Variants in RAD51B observed in about 807,000 individuals in gnomAD.
RAD51B encodes DNA repair protein RAD51 homolog 2.
Under a neutral mutation model 42.2 loss-of-function variants are expected in RAD51B, and 38 were observed. That is an observed-to-expected ratio of 0.90 (90% CI 0.70 to 1.18). RAD51B has a LOEUF of 1.18. RAD51B is among the 50% of genes most tolerant of loss of function. The pLI, the probability that RAD51B is intolerant of heterozygous loss-of-function variation, is 0.00. For missense variants in RAD51B, 373 were observed against 400.7 expected, an observed-to-expected ratio of 0.93 and a Z score of 0.59; for synonymous variants, 154 against 145.2, an observed-to-expected ratio of 1.06 and a Z score of -0.43.
chr14:68,320,781 TGCTGTGGC>T (rs781461844), intron 8 of RAD51B, among the ~76,000 whole-genome samples: 91 of 152,356 alleles, frequency 6.0e-4, no homozygotes, highest in Non-Finnish European at 1.0e-3. Context: ...TCCCATCATC[TGCTGTGGC>T]CACAGTTGTT....
intron 7 of RAD51B, among the ~76,000 whole-genome samples, chr14:68,068,258 A>G (rs1427238613): frequency 1.3e-5 from 2 of 152,062 alleles, no homozygotes; most frequent in African/African-American, 4.8e-5. Flanking sequence ...ACTCTGTACC[A>G]TTAATAGTCA....
rs554492364 is a variant in RAD51B, at chr14:68,154,202, T to C, written c.757-137682T>C. On this transcript the variant is annotated intron_variant, in intron 7 of 10. Coordinates refer to ENST00000471583, the MANE Select transcript of RAD51B (RefSeq NM_133510.4). Reference sequence around the variant, plus strand: ...GCAAGATATTTGTATTCCTATAAATTTTAAACTTTGTTTTGGGATGCAGTT... The same window carrying C: ...GCAAGATATTTGTATTCCTATAAATCTTAAACTTTGTTTTGGGATGCAGTT... Among the ~76,000 whole-genome samples, 221 of 152,332 alleles carry C rather than the reference T, an allele frequency of 1.5e-3. 2 individuals are homozygous for C. The highest frequency in any genetic ancestry group is 5.1e-3 in the African/African-American group (214 of 41,574).
chr14:68,410,619 G>A (rs2084391335), intron 8 of RAD51B, among the ~76,000 whole-genome samples: 1 of 152,154 alleles, frequency 6.6e-6, no homozygotes, highest in Non-Finnish European at 1.5e-5. Flanking sequence ...GTTCAGAGGA[G>A]GCCTTGGGAT....
At position 68,019,877 on chromosome 14, in the gene RAD51B, A is replaced by G. The variant is rs549934116; in HGVS notation, c.756+132673A>G. On this transcript the variant is annotated intron_variant, in intron 7 of 10. Coordinates refer to ENST00000471583, the MANE Select transcript of RAD51B (RefSeq NM_133510.4). ...GCTGGCAGGAGGAGAAAAGACCAAA[A>G]AGAATGTGCCCCTTCCCTGTAAGGA... Among the ~76,000 whole-genome samples, 5 of 152,308 alleles carry G rather than the reference A, an allele frequency of 3.3e-5. No individual in the cohort carries two copies. The South Asian group carries it at 1.0e-3, about 32-fold the overall frequency.
chr14:68,280,914 G>T (rs569625501), intron 7 of RAD51B, among the ~76,000 whole-genome samples: 1 of 152,134 alleles, frequency 6.6e-6, no homozygotes, highest in African/African-American at 2.4e-5. Context: ...AACATTGGCC[G>T]GGTGTGGTGG....
At chr14:68,420,160 G>T (rs773855195) in intron 9 of RAD51B, among the ~76,000 whole-genome samples, 2 of 152,184 alleles carry the variant, frequency 1.3e-5, no homozygotes, top group South Asian at 2.1e-4. Flanking sequence ...TTGAAACCAA[G>T]TTTGTATAGT....
At chr14:68,078,731 CG>C (rs2076870586) in intron 7 of RAD51B, among the ~76,000 whole-genome samples, 1 of 152,054 alleles carries the variant, frequency 6.6e-6, no homozygotes, top group South Asian at 2.1e-4. Context: ...GGCTCATGCC[CG>C]TAGTCCCAGC....
chr14:68,518,972 C>T lies in RAD51B; in HGVS notation c.1036+50722C>T, dbSNP rs560154691. 9.4e-4 allele frequency among the ~76,000 whole-genome samples: 143 copies of T among 152,322 alleles called. 4 individuals are homozygous for T. The South Asian group carries it at 0.028, about 30-fold the overall frequency. ...CTAGGAACCAGCATTTGGAGGCATCCGGCCACTTCCACCCAGTGGGCATGC... is the reference window on the plus strand; with the variant it reads ...CTAGGAACCAGCATTTGGAGGCATCTGGCCACTTCCACCCAGTGGGCATGC... On this transcript the variant is annotated intron_variant, in intron 10 of 10. Coordinates refer to the RAD51B transcript ENST00000487270.
intron 7 of RAD51B, among the ~76,000 whole-genome samples, chr14:68,265,645 G>A (rs759127887): frequency 2.0e-5 from 3 of 152,090 alleles, no homozygotes; most frequent in African/African-American, 4.8e-5. Context: ...CCAGCTGCTC[G>A]GGAGGCTGAG....
downstream of RAD51B, among the ~76,000 whole-genome samples, chr14:68,598,094 C>T (rs1393224988): frequency 6.6e-6 from 1 of 152,082 alleles, no homozygotes; most frequent in Non-Finnish European, 1.5e-5. Flanking sequence ...CAAGTAGCTT[C>T]CCAAGAAGAG....
downstream of RAD51B, among the ~76,000 whole-genome samples, chr14:68,599,400 T>C (rs1464978823): frequency 1.3e-5 from 2 of 152,120 alleles, no homozygotes; most frequent in East Asian, 1.9e-4. Flanking sequence ...AGGAAACTCA[T>C]TGCAAGTAGA....
At chr14:68,022,645 T>C (rs901310017) in intron 7 of RAD51B, among the ~76,000 whole-genome samples, 2 of 152,132 alleles carry the variant, frequency 1.3e-5, no homozygotes, top group African/African-American at 4.8e-5. Context: ...TGTCTCTCTT[T>C]TTTTTTTCTT....
At chr14:68,435,827 T>C (rs1456466735) in intron 9 of RAD51B, among the ~76,000 whole-genome samples, 1 of 152,240 alleles carries the variant, frequency 6.6e-6, no homozygotes, top group Non-Finnish European at 1.5e-5. Flanking sequence ...TATCTTCTTT[T>C]GGGAACTGTC....
chr14:68,530,286 A>AATT (rs1887194737), intron 10 of RAD51B, among the ~76,000 whole-genome samples: 2 of 143,612 alleles, frequency 1.4e-5, no homozygotes, highest in African/African-American at 2.5e-5. Context: ...TCTACAAAAA[A>AATT]TTTAAAAAAA....
chr14:68,377,032 A>G (rs977968031), intron 8 of RAD51B, among the ~76,000 whole-genome samples: 1 of 152,238 alleles, frequency 6.6e-6, no homozygotes, highest in Non-Finnish European at 1.5e-5. Context: ...CAGGTCTGAA[A>G]TGGAAGGGTT....
chr14:68,391,995 G>A (rs564884862), intron 8 of RAD51B, among the ~76,000 whole-genome samples: 1 of 152,126 alleles, frequency 6.6e-6, no homozygotes, highest in Non-Finnish European at 1.5e-5. Flanking sequence ...TGGCAAATGA[G>A]GAGTAGCAAA....
intron 7 of RAD51B, among the ~76,000 whole-genome samples, chr14:68,067,484 A>C (rs1566619175): frequency 6.6e-6 from 1 of 151,736 alleles, no homozygotes; most frequent in African/African-American, 2.4e-5. Context: ...AAACAAAAAA[A>C]AAAAAACAGG....
chr14:68,063,205 T>A (rs541182704), intron 7 of RAD51B, among the ~76,000 whole-genome samples: 2 of 152,270 alleles, frequency 1.3e-5, no homozygotes, highest in South Asian at 4.1e-4. Flanking sequence ...GTCTTTTGGT[T>A]TTTTAAGTCT....
intron 10 of RAD51B, among the ~76,000 whole-genome samples, chr14:68,566,567 A>C (rs926415285): frequency 1.3e-5 from 2 of 152,204 alleles, no homozygotes. Flanking sequence ...ATAGGATCTC[A>C]TTACCACTGC....
Sources: allele counts gnomAD v4.1 joint callset (sites outside exome capture counted in the v4.1 genomes callset), GRCh38; gene constraint gnomAD v4.1.1; transcripts MANE v1.5; gene names NCBI Gene and HGNC (gene_info 2026-07-23, HGNC 2026-07-21).